The following ERG variants were observed in gnomAD, a reference collection of about 807,000 sequenced individuals.
The protein encoded by ERG is transcriptional regulator ERG.
A neutral mutation model predicts 55.3 loss-of-function variants in ERG; 9 were observed. The observed-to-expected ratio is 0.16, with a 90% CI of 0.10 to 0.28. ERG has a LOEUF of 0.28. Among genes scored for constraint, ERG ranks in the 10% least tolerant of loss-of-function variants. ERG has a pLI of 1.00. For synonymous variants in ERG, 223 were observed against 237.3 expected (o/e 0.94, Z 0.55); for missense variants, 434 against 631.6 (o/e 0.69, Z 3.35).
chr21:38,565,891 A>G (rs1485051084), intron 2 of ERG, among the ~76,000 whole-genome samples: 2 of 152,200 alleles, frequency 1.3e-5, no homozygotes, highest in Non-Finnish European at 1.5e-5. Context: ...GCAATTCTGA[A>G]TGATTAGATT....
At chr21:38,404,472 G>A (rs1328555956) in intron 3 of ERG, among the ~76,000 whole-genome samples, 2 of 152,158 alleles carry the variant, frequency 1.3e-5, no homozygotes, top group Non-Finnish European at 2.9e-5. Context: ...AGCAGGGCCC[G>A]GGGGAGAAGG....
At chr21:38,567,730 C>G in intron 2 of ERG, among the ~76,000 whole-genome samples, 1 of 152,336 alleles carries the variant, frequency 6.6e-6, no homozygotes, top group South Asian at 2.1e-4. Flanking sequence ...GGGGCTCCAT[C>G]GTGAAATCCA....
rs766904661 is a variant in ERG, at chr21:38,445,567, T to C, written c.73A>G (p.Thr25Ala). ...ATCTCTGTCTTAGCCAGGTGTGGCG[T>C]TCCGTAGGCACACTCAAACAACGAC... ...DQSLFECAYG[T>A]PHLAKTEMTA... The change falls in exon 2 of 10, where the codon ACG becomes GCG. Residue 25 changes from threonine (T) to alanine (A), a missense_variant. By Grantham distance (58) the Thr-to-Ala change is moderately conservative (BLOSUM62 0). Around this residue, in one of 5 missense-constraint regions of ERG, gnomAD observed 212 missense variants for 262.9 expected, o/e 0.81. Transcript: ENST00000288319. The C allele has an allele frequency of 6.2e-7, 1 of 1,614,104 alleles. No individual in the cohort carries two copies. Among genetic ancestry groups the C allele is most frequent in the Non-Finnish European group, 8.5e-7 (1 of 1,180,036 alleles).
the ERG span, among the ~76,000 whole-genome samples, chr21:38,370,023 C>A: frequency 6.6e-6 from 1 of 152,096 alleles, no homozygotes; most frequent in Admixed American, 6.6e-5. Flanking sequence ...GTTACTGTAG[C>A]CCTGTATTAT....
At chr21:38,566,074 A>G (rs1379370531) in intron 2 of ERG, among the ~76,000 whole-genome samples, 1 of 152,212 alleles carries the variant, frequency 6.6e-6, no homozygotes, top group Non-Finnish European at 1.5e-5. Context: ...GTGATAAAAT[A>G]GTGCTCTCAG....
intron 1 of ERG, among the ~76,000 whole-genome samples, chr21:38,599,292 G>A (rs915497916): frequency 6.6e-6 from 1 of 151,780 alleles, no homozygotes; most frequent in East Asian, 1.9e-4. Context: ...AAAGAGGCTG[G>A]AGGTGTACCA....
intron 2 of ERG, among the ~76,000 whole-genome samples, chr21:38,432,197 C>G (rs914789789): frequency 2.0e-5 from 3 of 152,098 alleles, no homozygotes; most frequent in Non-Finnish European, 2.9e-5. Flanking sequence ...TGGGCTCAAG[C>G]GATCCTCTTG....
At chr21:38,553,374 A>G (rs184383036) in intron 2 of ERG, among the ~76,000 whole-genome samples, 2 of 152,328 alleles carry the variant, frequency 1.3e-5, no homozygotes, top group East Asian at 3.9e-4. Context: ...GAGCCTAAAT[A>G]GCCAAAGCAA....
chr21:38,536,960 G>A (rs2059714899), intron 2 of ERG, among the ~76,000 whole-genome samples: 1 of 152,108 alleles, frequency 6.6e-6, no homozygotes, highest in African/African-American at 2.4e-5. Flanking sequence ...AGATATACAG[G>A]CCAATGGAAT....
intron 1 of ERG, among the ~76,000 whole-genome samples, chr21:38,652,599 G>A (rs1384631804): frequency 3.3e-5 from 5 of 152,152 alleles, no homozygotes; most frequent in Non-Finnish European, 5.9e-5. Context: ...TCATTCACAC[G>A]TCTCCAAATA....
intron 1 of ERG, among the ~76,000 whole-genome samples, chr21:38,576,765 G>A (rs2059997102): frequency 6.6e-6 from 1 of 152,042 alleles, no homozygotes; most frequent in Non-Finnish European, 1.5e-5. Context: ...AGGGGTGAGA[G>A]GAGAGGGGTA....
intron 3 of ERG, among the ~76,000 whole-genome samples, chr21:38,411,886 G>A (rs989433): frequency 0.87 from 132,614 of 152,244 alleles, 58,231 homozygotes; most frequent in Non-Finnish European, 0.94. Flanking sequence ...TTAGGTACAT[G>A]TAAGTTTATC....
intron 1 of ERG, among the ~76,000 whole-genome samples, chr21:38,653,529 C>A (rs769011752): frequency 1.2e-4 from 18 of 152,150 alleles, no homozygotes; most frequent in Non-Finnish European, 2.5e-4. Context: ...AGTGTCCTTG[C>A]AAGAGGGGAT....
chr21:38,401,931 C>T lies in ERG; in HGVS notation c.673+626G>A, dbSNP rs564516828. ...ATAACTAAGTCAAATGTAGAGGCAA[C>T]GGTTAGAGATAGAAAACAGGCATTT... On this transcript the variant is annotated intron_variant, in intron 5 of 9. Coordinates refer to ENST00000288319, the MANE Select transcript of ERG (RefSeq NM_182918.4). Among the ~76,000 whole-genome samples the T allele has an allele frequency of 3.9e-5, 6 of 152,288 alleles. No individual in the cohort carries two copies. The East Asian group carries it at 7.7e-4, about 20-fold the overall frequency.
At chr21:38,465,223 T>G (rs75697121) in intron 1 of ERG, among the ~76,000 whole-genome samples, 2,469 of 152,302 alleles carry the variant, frequency 0.016, 71 homozygotes, top group East Asian at 0.13. Flanking sequence ...ACTTTAAATG[T>G]GCCAATCAAG....
intron 2 of ERG, among the ~76,000 whole-genome samples, chr21:38,512,379 AT>A: frequency 6.6e-6 from 1 of 152,380 alleles, no homozygotes; most frequent in East Asian, 1.9e-4. Flanking sequence ...AAAATAATTT[AT>A]CCTTTGTCTC....
intron 2 of ERG, among the ~76,000 whole-genome samples, chr21:38,542,071 C>T (rs79212643): frequency 0.16 from 23,971 of 151,982 alleles, 2,184 homozygotes; most frequent in Admixed American, 0.23. Flanking sequence ...AGTGCAGTGG[C>T]GTGTTCTCAG....
intron 2 of ERG, among the ~76,000 whole-genome samples, chr21:38,555,555 A>G (rs16996484): frequency 0.025 from 3,802 of 152,148 alleles, 69 homozygotes; most frequent in Non-Finnish European, 0.038. Flanking sequence ...CCTTAACATA[A>G]TTTTCTTTGT....
intron 1 of ERG, among the ~76,000 whole-genome samples, chr21:38,659,703 A>G (rs1231681693): frequency 2.0e-5 from 3 of 152,266 alleles, no homozygotes; most frequent in Admixed American, 6.5e-5. Context: ...AAAGGAAACT[A>G]TCTTTAGATT....
Sources: gnomAD v4.1 joint callset for allele counts (sites outside exome capture counted in the v4.1 genomes callset) on GRCh38, gnomAD v4.1.1 for gene constraint, gnomAD v4.1.1 regional missense constraint, MANE v1.5 for transcripts, NCBI Gene and HGNC (gene_info 2026-07-23, HGNC 2026-07-21) for gene names.